The following PGLS variants were observed in gnomAD, a reference collection of about 807,000 sequenced individuals.
PGLS encodes the protein 6-phosphogluconolactonase, also known as epididymis secretory protein Li 304.
A neutral mutation model predicts 23.2 loss-of-function variants in PGLS; 21 were observed. The observed-to-expected ratio is 0.91, with a 90% CI of 0.64 to 1.31. The LOEUF is 1.31. PGLS is among the 50% of genes most tolerant of loss of function. The probability of loss-of-function intolerance (pLI) is 0.00; values close to 1 mark genes in which losing one functional copy is unlikely to be tolerated. For synonymous variants in PGLS, 179 were observed against 165.4 expected (o/e 1.08, Z -0.63); for missense variants, 410 against 354.0 (o/e 1.16, Z -1.27).
Position 17,511,976 on chromosome 19 carries a change from G to A in PGLS, c.288+16G>A, listed in dbSNP as rs1467255845. 6.5e-7 allele frequency: 1 copy of A among 1,534,128 alleles called. No homozygotes were observed. Among genetic ancestry groups the A allele is most frequent in the Non-Finnish European group, 8.8e-7 (1 of 1,141,926 alleles). ...CCTCTACCGGGTGAGAGCTACGGGG[G>A]CCGCCGGGGATCACGCCGAGAGGGC... On this transcript the variant is annotated intron_variant, in intron 1 of 4. Coordinates refer to ENST00000252603, the MANE Select transcript of PGLS (RefSeq NM_012088.3).
intron 2 of PGLS, 81 bp from the exon 3 acceptor site, chr19:17,517,207 G>T: frequency 1.2e-6 from 1 of 851,966 alleles, no homozygotes; most frequent in South Asian, 1.5e-5. Context: ...TTTTTTATCT[G>T]ACAACTGTTT....
At chr19:17,519,893 T>C (rs2075549419) in intron 4 of PGLS, among the ~76,000 whole-genome samples, 1 of 152,132 alleles carries the variant, frequency 6.6e-6, no homozygotes, top group Non-Finnish European at 1.5e-5. Flanking sequence ...CCAGGCACAG[T>C]GGCTCATGCC....
rs2075537974 is a variant in PGLS at position 17,517,327 on chromosome 19, A to G, written c.436A>G (p.Ile146Val). ...CTCCATCCCGGTTTTCGACCTGCTG[A>G]TCCTGGGGGTGGGCCCCGATGGTCA... ...GDSIPVFDLLILGVGPDGHTC... is the reference protein window; with the variant it reads ...GDSIPVFDLLVLGVGPDGHTC... The change falls in exon 3 of 5, where the codon ATC (isoleucine) becomes GTC (valine). Residue 146 changes from isoleucine (I) to valine (V), a missense_variant. Coordinates refer to ENST00000252603, the MANE Select transcript of PGLS (RefSeq NM_012088.3). 6.2e-7 allele frequency: 1 copy of G among 1,613,774 alleles called. No individual in the cohort carries two copies. The highest frequency in any genetic ancestry group is 1.7e-5 in the Admixed American group (1 of 59,962).
rs2075508024 is a variant in PGLS at position 17,511,813 on chromosome 19, CG to C, written c.144del (p.Ser49AlafsTer6). The C allele has an allele frequency of 6.6e-7, 1 of 1,510,788 alleles. No homozygotes were observed. The highest frequency in any genetic ancestry group is 8.8e-7 in the Non-Finnish European group (1 of 1,134,278). 93.6% of individuals were successfully genotyped at this position (1,510,788 alleles called of 1,614,324 possible). A position where few individuals can be genotyped will look rare whatever the true frequency, so the allele number is the denominator to read the frequency against. ...RARFALGLSG[G>X]SLVSMLAREL... ...CCCGTTTCGCGCTCGGCCTGTCGGG[CG>C]GGAGCCTCGTCTCGATGCTAGCCCG... On this transcript the variant is annotated frameshift_variant, in exon 1 of 5. Transcript: ENST00000252603. LOFTEE classifies it high-confidence loss of function.
intron 1 of PGLS, chr19:17,515,820 C>G (rs1246390012): frequency 8.7e-6 from 2 of 228,812 alleles, no homozygotes; most frequent in African/African-American, 4.4e-5. Flanking sequence ...TTGAAAGACT[C>G]CTGTTGGAAT....
At chr19:17,514,152 G>C (rs911726502) in intron 1 of PGLS, among the ~76,000 whole-genome samples, 3 of 152,218 alleles carry the variant, frequency 2.0e-5, no homozygotes, top group Non-Finnish European at 4.4e-5. Context: ...CCAGAAGTCT[G>C]AAATCAAGGT....
chr19:17,511,756 G>A lies in PGLS; in HGVS notation c.84G>A (p.Gln28=), dbSNP rs966032445. ...CGGCGCTAGCGCAGCTGGTGGCCCA[G>A]CGCGCAGCATGCTGCCTGGCAGGGG... ...LGAALAQLVA[Q]RAACCLAGAR... Residue 28 remains glutamine, a synonymous_variant, in exon 1 of 5, where the codon CAG becomes CAA. Transcript: ENST00000252603. 2 of 1,500,410 alleles carry A rather than the reference G, an allele frequency of 1.3e-6. No homozygotes were observed. The highest frequency in any genetic ancestry group is 1.2e-5 in the South Asian group (1 of 80,870). The allele number at this position is 1,500,410 out of a possible 1,614,324, so 92.9% of individuals were successfully genotyped here.
In PGLS at chr19:17,514,033, CCGGTTCTCTGTGAGGGGAATCATAT is replaced by C. The variant is rs568246741; in HGVS notation, c.288+2080_288+2104del. On this transcript the variant is annotated intron_variant, in intron 1 of 4. Coordinates refer to ENST00000252603, the MANE Select transcript of PGLS (RefSeq NM_012088.3). ...CTGAAGCCAGGACTTGCTCCTTCTG[CCGGTTCTCTGTGAGGGGAATCATAT>C]CGGTTCCCTAGGGCTACATAACGAA... Among the ~76,000 whole-genome samples the C allele has an allele frequency of 6.5e-3, 986 of 152,268 alleles. 6 individuals carry two copies. Among genetic ancestry groups the C allele is most frequent in the South Asian group, 0.026 (126 of 4,822 alleles).
intron 2 of PGLS, among the ~76,000 whole-genome samples, 169 bp from the exon 3 acceptor site, chr19:17,517,119 G>A (rs2075537026): frequency 6.6e-6 from 1 of 151,994 alleles, no homozygotes; most frequent in South Asian, 2.1e-4. Context: ...TCCTGACCTC[G>A]TGATCCACCT....
In PGLS at chr19:17,520,743, T is replaced by C. The variant is rs560127124; in HGVS notation, c.640-201T>C. Among the ~76,000 whole-genome samples, 62 of 151,782 alleles carry C rather than the reference T, an allele frequency of 4.1e-4. 2 individuals carry two copies. Among genetic ancestry groups the C allele is most frequent in the Admixed American group, 2.6e-4 (4 of 15,210 alleles). On this transcript the variant is annotated intron_variant, in intron 4 of 4. Transcript: ENST00000252603. The stretch of plus-strand genomic sequence containing the variant: ...GAGACTCCATCTCAAAATAAATAAA[T>C]AAATAAATAAAAATAGTTACAGTGG...
In PGLS at chr19:17,512,216, A is replaced by G. The variant is rs1397426955; in HGVS notation, c.288+256A>G. On this transcript the variant is annotated intron_variant, in intron 1 of 4. Transcript: ENST00000252603. The stretch of plus-strand genomic sequence containing the variant: ...TCGGCTACGGGGGCCACTGGGGGTC[A>G]TGCCGAGATGGTCACGCCCACTGCC... 2.1e-5 allele frequency: 11 copies of G among 512,558 alleles called. No homozygotes were observed. The South Asian group carries it at 2.4e-4, about 11-fold the overall frequency. The allele number at this position is 512,558 out of a possible 1,614,324, so 31.8% of individuals were successfully genotyped here. A position where few individuals can be genotyped will look rare whatever the true frequency, so the allele number is the denominator to read the frequency against.
intron 4 of PGLS, among the ~76,000 whole-genome samples, chr19:17,520,049 A>C (rs2075549954): frequency 1.3e-5 from 2 of 152,170 alleles, no homozygotes; most frequent in Admixed American, 6.6e-5. Context: ...GATACTTGGC[A>C]GACTGAGGCA....
At chr19:17,512,272 C>G in intron 1 of PGLS, 1 of 418,240 alleles carries the variant, frequency 2.4e-6, no homozygotes, top group Non-Finnish European at 4.3e-6. Context: ...CGCTGGGGGT[C>G]TAGCCGACAG....
rs2075531862 is a variant in PGLS at position 17,516,258 on chromosome 19, A to C, written c.374A>C (p.Asp125Ala). The part of the protein sequence containing the change: ...PELPVEEAAE[D>A]YAKKLRQAFQ... The stretch of plus-strand genomic sequence containing the variant: ...CTGCCTGTGGAGGAGGCGGCTGAGG[A>C]CTACGCCAAGAAGCTGAGACAGGTG... The change falls in exon 2 of 5, where the codon GAC becomes GCC. Residue 125 changes from aspartate (D) to alanine (A), a missense_variant. Physicochemically the swap from Asp to Ala is moderately radical, Grantham distance 126 (BLOSUM62 -2). Transcript: ENST00000252603. The C allele has an allele frequency of 1.2e-6, 2 of 1,613,912 alleles. No individual in the cohort carries two copies. Among genetic ancestry groups the C allele is most frequent in the Admixed American group, 1.7e-5 (1 of 60,004 alleles).
chr19:17,521,247 G>A lies in PGLS; in HGVS notation c.*166G>A. On this transcript the variant is annotated 3_prime_UTR_variant, in exon 5 of 5. Coordinates refer to ENST00000252603, the MANE Select transcript of PGLS (RefSeq NM_012088.3). ...CTACCCGGGGCTCAACACACAGGCT[G>A]TGGCTCTGGACATCCGGATATTAAA... 1 of 633,596 alleles carries A rather than the reference G, an allele frequency of 1.6e-6. No homozygotes were observed. Among genetic ancestry groups the A allele is most frequent in the Non-Finnish European group, 2.7e-6 (1 of 376,172 alleles). The allele number at this position is 633,596 out of a possible 1,614,324, so 39.2% of individuals were successfully genotyped here.
In PGLS at chr19:17,516,179, C is replaced by A; in HGVS notation, c.295C>A (p.Leu99Ile). Residue 99 changes from leucine to isoleucine, a missense_variant, in exon 2 of 5, where the codon CTT (leucine) becomes ATT (isoleucine). Physicochemically the swap from Leu to Ile is conservative, Grantham distance 5 (BLOSUM62 2). Transcript: ENST00000252603. ...GTCCCTCTGTTGGCTGCAGACGCAT[C>A]TTCTCTCCAGACTGCCGATCCCAGA... is the stretch of plus-strand genomic sequence containing the variant. ...ESTYGLYRTH[L>I]LSRLPIPESQ... The A allele has an allele frequency of 6.2e-7, 1 of 1,613,554 alleles. No homozygotes were observed.
intron 4 of PGLS, chr19:17,518,360 CGTG>C (rs1377436291): frequency 6.6e-6 from 1 of 151,534 alleles, no homozygotes; most frequent in East Asian, 1.9e-4. Context: ...AAAAAAATCA[CGTG>C]GTATTATGAA....
intron 2 of PGLS, chr19:17,516,633 G>T (rs1409435414): frequency 2.5e-5 from 14 of 550,354 alleles, no homozygotes; most frequent in Non-Finnish European, 3.2e-5. Context: ...CGCCCAGGCT[G>T]GAGTGCAGTG....
At chr19:17,512,157 G>T (rs2075511251) in intron 1 of PGLS, 197 bp downstream of exon 1, 2 of 594,656 alleles carry the variant, frequency 3.4e-6, no homozygotes, top group African/African-American at 2.0e-5. Flanking sequence ...GTCGCTGGGG[G>T]TCATGCCAAG....
Sources: gnomAD v4.1 joint callset for allele counts (sites outside exome capture counted in the v4.1 genomes callset) on GRCh38, gnomAD v4.1.1 for gene constraint, MANE v1.5 for transcripts, NCBI Gene and HGNC (gene_info 2026-07-23, HGNC 2026-07-21) for gene names.